The following FOXK1 variants were observed in gnomAD, a reference collection of about 807,000 sequenced individuals.
The protein encoded by FOXK1 is forkhead box K1.
A neutral mutation model predicts 51.9 loss-of-function variants in FOXK1; 19 were observed. The observed-to-expected ratio is 0.37, with a 90% CI of 0.26 to 0.54. The LOEUF (loss-of-function observed/expected upper bound fraction) is 0.54. FOXK1 is among the 20% of genes least tolerant of loss of function. The pLI is 0.87. For synonymous variants in FOXK1, 537 were observed against 482.6 expected, an observed-to-expected ratio of 1.11 and a Z score of -1.48; for missense variants, 870 against 1,032.7, an observed-to-expected ratio of 0.84 and a Z score of 2.16.
rs113401825 is a variant in FOXK1 at position 4,705,783 on chromosome 7, C to CG, written c.560+22915_560+22916insG. On this transcript the variant is annotated intron_variant, in intron 1 of 8. Transcript: ENST00000328914. ...CGATCTCCCAACCTCGTGACCCCCC[C>CG]CCGCCTCAGCCTCTCAAAGTGGGAT... is the stretch of plus-strand genomic sequence containing the variant. Among the ~76,000 whole-genome samples the CG allele has an allele frequency of 8.1e-3, 1,229 of 151,034 alleles. 26 individuals are homozygous for CG. Among genetic ancestry groups the CG allele is most frequent in the African/African-American group, 0.02 (806 of 40,986 alleles).
chr7:4,717,189 G>T (rs961929490), intron 1 of FOXK1, among the ~76,000 whole-genome samples: 1 of 150,328 alleles, frequency 6.7e-6, no homozygotes, highest in Non-Finnish European at 1.5e-5. Flanking sequence ...GTGCATGACT[G>T]GGAGGTGTGT....
chr7:4,722,789 C>G lies in FOXK1; in HGVS notation c.561-18049C>G, dbSNP rs73303394. Among the ~76,000 whole-genome samples, 2 of 152,152 alleles carry G rather than the reference C, an allele frequency of 1.3e-5. No individual in the cohort carries two copies. Among genetic ancestry groups the G allele is most frequent in the African/African-American group, 4.8e-5 (2 of 41,410 alleles). Reference sequence around the variant, plus strand: ...GGGGATTCCGTTCCTTTGCTGCTGCCTTGGCCACAGGCCTCCACAGCCCTC... The same window carrying G: ...GGGGATTCCGTTCCTTTGCTGCTGCGTTGGCCACAGGCCTCCACAGCCCTC... On this transcript the variant is annotated intron_variant, in intron 1 of 8. Transcript: ENST00000328914. This position sits in a 1 kb window ranked among gnomAD's most constrained non-coding sequence, Gnocchi z 5.1.
At chr7:4,736,841 T>A (rs1780558961) in intron 1 of FOXK1, among the ~76,000 whole-genome samples, 1 of 152,208 alleles carries the variant, frequency 6.6e-6, no homozygotes, top group African/African-American at 2.4e-5. Context: ...CAATTTTCTC[T>A]TTTGGTGGCG....
At chr7:4,724,413 C>T (rs1780353156) in intron 1 of FOXK1, among the ~76,000 whole-genome samples, 1 of 152,152 alleles carries the variant, frequency 6.6e-6, no homozygotes, top group African/African-American at 2.4e-5. Context: ...CCAGGGTGGT[C>T]TCGAACTCCT....
chr7:4,761,033 G>A lies in FOXK1; in HGVS notation c.1697-31G>A, dbSNP rs770584050. ...GGAAATCGATTGTCTCGTTGGCCGA[G>A]TGTGGTGCTGACTTGGTTCCTGTCC... On this transcript the variant is annotated intron_variant, in intron 7 of 8. Coordinates refer to ENST00000328914, the MANE Select transcript of FOXK1 (RefSeq NM_001037165.2). This position sits in a 1 kb window ranked among gnomAD's most constrained non-coding sequence, Gnocchi z 6.2. 7 of 1,589,386 alleles carry A rather than the reference G, an allele frequency of 4.4e-6. No individual in the cohort carries two copies. In the African/African-American group the frequency reaches 9.4e-5, roughly 21 times the overall value.
At chr7:4,752,548 G>T (rs1215840736) in intron 2 of FOXK1, among the ~76,000 whole-genome samples, 5 of 152,224 alleles carry the variant, frequency 3.3e-5, no homozygotes, top group African/African-American at 1.2e-4. Context: ...GTGCTGGGGG[G>T]TGCCCCTCAT....
Position 4,758,689 on chromosome 7 carries a change from CG to C in FOXK1, c.1245-360del. 1 of 243,962 alleles carries C rather than the reference CG, an allele frequency of 4.1e-6. No individual in the cohort carries two copies. The highest frequency in any genetic ancestry group is 7.9e-6 in the Non-Finnish European group (1 of 127,248). The allele number at this position is 243,962 out of a possible 1,614,324, so 15.1% of individuals were successfully genotyped here. A position where few individuals can be genotyped will look rare whatever the true frequency, so the allele number is the denominator to read the frequency against. ...CTCGGGTAGAGTTTTCATGGTGGAA[CG>C]GTTGCGCCCACCAAACAGAAGCTTA... On this transcript the variant is annotated intron_variant, in intron 5 of 8. Transcript: ENST00000328914. The surrounding 1 kb of genome is among the most constrained non-coding windows in gnomAD (Gnocchi z 4.4).
rs563917554 is a variant in FOXK1, at chr7:4,733,804, G to A, written c.561-7034G>A. On this transcript the variant is annotated intron_variant, in intron 1 of 8. Coordinates refer to ENST00000328914, the MANE Select transcript of FOXK1 (RefSeq NM_001037165.2). The surrounding 1 kb of genome is among the most constrained non-coding windows in gnomAD (Gnocchi z 5.0). ...CGGGAGAGGCTGCTCTGAGGTCCCC[G>A]AAGCTGCAGGCTGGGTGGGACGGTG... Among the ~76,000 whole-genome samples the A allele has an allele frequency of 9.8e-5, 15 of 152,326 alleles. No homozygotes were observed. In the South Asian group the frequency reaches 1.0e-3, roughly 11 times the overall value.
chr7:4,741,301 T>C (rs117569899), intron 2 of FOXK1, among the ~76,000 whole-genome samples: 3,396 of 151,734 alleles, frequency 0.022, 60 homozygotes, highest in Middle Eastern at 0.037. Flanking sequence ...TTTTTTGTTT[T>C]TTTTTAAAGG....
chr7:4,742,987 G>T (rs1035821028), intron 2 of FOXK1, among the ~76,000 whole-genome samples: 3 of 152,194 alleles, frequency 2.0e-5, no homozygotes, highest in Non-Finnish European at 2.9e-5. Context: ...CTCAGGCCGG[G>T]CATGGTCACC....
rs111467325 is a variant in FOXK1, at chr7:4,762,478, G to A, written c.*14G>A. 3.6e-5 allele frequency: 56 copies of A among 1,536,608 alleles called. No homozygotes were observed. Among genetic ancestry groups the A allele is most frequent in the African/African-American group, 3.6e-4 (26 of 72,796 alleles). The stretch of plus-strand genomic sequence containing the variant: ...ACCGGGGAGTGAGGTCACCTGCAAC[G>A]CGGGGGAGTGGGACTCACCCAGCGG... On this transcript the variant is annotated 3_prime_UTR_variant, in exon 9 of 9. Coordinates refer to ENST00000328914, the MANE Select transcript of FOXK1 (RefSeq NM_001037165.2). This position sits in a 1 kb window ranked among gnomAD's most constrained non-coding sequence, Gnocchi z 5.7.
intron 7 of FOXK1, chr7:4,760,104 G>A (rs991326775): frequency 6.3e-6 from 1 of 158,448 alleles, no homozygotes; most frequent in African/African-American, 2.4e-5. Flanking sequence ...GCACATAGCT[G>A]TGTCCTTGCC....
rs1262072407 is a variant in FOXK1, at chr7:4,749,895, G to A, written c.747-4564G>A. Among the ~76,000 whole-genome samples, 1 of 152,220 alleles carries A rather than the reference G, an allele frequency of 6.6e-6. No homozygotes were observed. The highest frequency in any genetic ancestry group is 1.5e-5 in the Non-Finnish European group (1 of 68,038). On this transcript the variant is annotated intron_variant, in intron 2 of 8. Coordinates refer to ENST00000328914, the MANE Select transcript of FOXK1 (RefSeq NM_001037165.2). This position sits in a 1 kb window ranked among gnomAD's most constrained non-coding sequence, Gnocchi z 6.0. ...TCATCATAACGTGACCCAGCGACCT[G>A]TGTGTCCCACAGCCCGTCCGTCCCT...
rs1160814991 is a variant in FOXK1 at position 4,734,654 on chromosome 7, G to A, written c.561-6184G>A. Among the ~76,000 whole-genome samples, 1 of 152,196 alleles carries A rather than the reference G, an allele frequency of 6.6e-6. No individual in the cohort carries two copies. The highest frequency in any genetic ancestry group is 2.1e-4 in the South Asian group (1 of 4,838). ...GGGGCTCAGGAAGGCTGGGTCTCAGGCTTTTCTCCTGCGCCATTGTCTGCT... is the reference window on the plus strand; with the variant it reads ...GGGGCTCAGGAAGGCTGGGTCTCAGACTTTTCTCCTGCGCCATTGTCTGCT... On this transcript the variant is annotated intron_variant, in intron 1 of 8. Transcript: ENST00000328914. This position sits in a 1 kb window ranked among gnomAD's most constrained non-coding sequence, Gnocchi z 5.2.
chr7:4,762,760 G>T lies in FOXK1; in HGVS notation c.*296G>T, dbSNP rs554420680. On this transcript the variant is annotated 3_prime_UTR_variant, in exon 9 of 9. Transcript: ENST00000328914. The surrounding 1 kb of genome is among the most constrained non-coding windows in gnomAD (Gnocchi z 5.7). ...TCCCCAGGCCTCCCTGTCGGGCATGGGGAGGAGGTTGGAGCTCAGCATCTT... is the reference window on the plus strand; with the variant it reads ...TCCCCAGGCCTCCCTGTCGGGCATGTGGAGGAGGTTGGAGCTCAGCATCTT... The T allele has an allele frequency of 7.4e-6, 3 of 402,804 alleles. No homozygotes were observed. The highest frequency in any genetic ancestry group is 1.4e-5 in the Non-Finnish European group (3 of 216,898). The allele number at this position is 402,804 out of a possible 1,614,324, so 25.0% of individuals were successfully genotyped here. A position where few individuals can be genotyped will look rare whatever the true frequency, so the allele number is the denominator to read the frequency against.
At chr7:4,718,543 C>A (rs1268709309) in intron 1 of FOXK1, among the ~76,000 whole-genome samples, 1 of 152,232 alleles carries the variant, frequency 6.6e-6, no homozygotes, top group East Asian at 1.9e-4. Context: ...ACTACAAATA[C>A]AATAGCTGCT....
chr7:4,710,532 G>A (rs987592079), intron 1 of FOXK1, among the ~76,000 whole-genome samples: 18 of 152,160 alleles, frequency 1.2e-4, no homozygotes, highest in South Asian at 4.1e-4. Context: ...CCTCAATCGC[G>A]CCACTGCACT....
At position 4,759,527 on chromosome 7, in the gene FOXK1, A is replaced by G; in HGVS notation, c.1628A>G (p.Gln543Arg). ...NSANGYILTS[Q>R]GAAGGSHDAA... ...GCCAACGGATACATCCTCACCAGCC[A>G]GGGCGCGGCGGGGGGCTCCCATGAT... The change falls in exon 7 of 9, where the codon CAG becomes CGG. Residue 543 changes from glutamine to arginine, a missense_variant. By Grantham distance (43) the Gln-to-Arg change is conservative (BLOSUM62 1). Around this residue, in one of 3 missense-constraint regions of FOXK1, gnomAD observed 457 missense variants for 510.8 expected, o/e 0.89. Coordinates refer to ENST00000328914, the MANE Select transcript of FOXK1 (RefSeq NM_001037165.2). 1 of 1,563,578 alleles carries G rather than the reference A, an allele frequency of 6.4e-7. No homozygotes were observed. Among genetic ancestry groups the G allele is most frequent in the Non-Finnish European group, 8.6e-7 (1 of 1,161,040 alleles).
rs1444705101 is a variant in FOXK1, at chr7:4,683,351, C to G, written c.560+483C>G. Reference sequence around the variant, plus strand: ...CGGGGTCATTCTGAACTCCCACTGGCCTGGATCCCTGGGGTCATCTACGTC... The same window carrying G: ...CGGGGTCATTCTGAACTCCCACTGGGCTGGATCCCTGGGGTCATCTACGTC... On this transcript the variant is annotated intron_variant, in intron 1 of 8. Transcript: ENST00000328914. The surrounding 1 kb of genome is among the most constrained non-coding windows in gnomAD (Gnocchi z 4.5). Among the ~76,000 whole-genome samples, 13 of 152,012 alleles carry G rather than the reference C, an allele frequency of 8.6e-5. No homozygotes were observed. The highest frequency in any genetic ancestry group is 1.3e-4 in the Admixed American group (2 of 15,262).
Sources: gnomAD v4.1 joint callset for allele counts (sites outside exome capture counted in the v4.1 genomes callset) on GRCh38, gnomAD v4.1.1 for gene constraint, gnomAD v4.1.1 regional missense constraint, Gnocchi (gnomAD v3.1) non-coding constraint, MANE v1.5 for transcripts, NCBI Gene and HGNC (gene_info 2026-07-23, HGNC 2026-07-21) for gene names.